The following PPP1R37 variants were observed in gnomAD, a reference collection of about 807,000 sequenced individuals.
PPP1R37 encodes the protein protein phosphatase 1 regulatory subunit 37.
In PPP1R37, 21 loss-of-function variants were observed where a neutral mutation model predicts 61.0. That is an observed-to-expected ratio of 0.34 (90% CI 0.24 to 0.50). The LOEUF (loss-of-function observed/expected upper bound fraction) is 0.50, where lower values mean the gene tolerates loss of function less well. PPP1R37 is among the 20% of genes least tolerant of loss of function. PPP1R37 has a pLI of 0.98. For synonymous variants in PPP1R37, 443 were observed against 433.5 expected, an observed-to-expected ratio of 1.02 and a Z score of -0.27; for missense variants, 910 against 952.7, an observed-to-expected ratio of 0.96 and a Z score of 0.59.
At chr19:45,123,867 C>T (rs951708458) in intron 1 of PPP1R37, among the ~76,000 whole-genome samples, 1 of 152,200 alleles carries the variant, frequency 6.6e-6, no homozygotes, top group African/African-American at 2.4e-5. Flanking sequence ...GGGCCAAGTC[C>T]CCGCAGTAAT....
rs376666252 is a variant in PPP1R37 at position 45,146,325 on chromosome 19, G to A, written c.1994-65G>A. The A allele has an allele frequency of 4.9e-5, 71 of 1,450,644 alleles. No homozygotes were observed. In the South Asian group the frequency reaches 7.9e-4, roughly 16 times the overall value. The allele number at this position is 1,450,644 out of a possible 1,614,324, so 89.9% of individuals were successfully genotyped here. A position where few individuals can be genotyped will look rare whatever the true frequency, so the allele number is the denominator to read the frequency against. ...GGCCCTGAGGGTCTGGCTGGGGCCG[G>A]GCTGGGGACAGGTTGTATTTGCCCC... On this transcript the variant is annotated intron_variant, in intron 11 of 12. Transcript: ENST00000221462.
At chr19:45,120,806 G>C (rs1599700407) in intron 1 of PPP1R37, among the ~76,000 whole-genome samples, 2 of 152,118 alleles carry the variant, frequency 1.3e-5, no homozygotes, top group Non-Finnish European at 2.9e-5. Flanking sequence ...AGAGACGGGG[G>C]TTTCACCATG....
At chr19:45,141,105 G>C (rs981977520) in intron 4 of PPP1R37, among the ~76,000 whole-genome samples, 1 of 152,190 alleles carries the variant, frequency 6.6e-6, no homozygotes, top group Admixed American at 6.5e-5. Flanking sequence ...AAGGACTTTG[G>C]AGGGCAAGTG....
At chr19:45,095,755 T>C (rs1234687529) in intron 1 of PPP1R37, among the ~76,000 whole-genome samples, 2 of 132,658 alleles carry the variant, frequency 1.5e-5, no homozygotes, top group African/African-American at 6.1e-5. Context: ...AGAGACCCGG[T>C]CTTAAAAAAA....
At chr19:45,120,542 C>T (rs1025600014) in intron 1 of PPP1R37, among the ~76,000 whole-genome samples, 12 of 152,318 alleles carry the variant, frequency 7.9e-5, no homozygotes, top group Non-Finnish European at 1.5e-4. Context: ...GCTGCAGTGA[C>T]TGTCCTTACA....
chr19:45,099,755 G>T (rs890736071), intron 1 of PPP1R37, among the ~76,000 whole-genome samples: 1 of 152,252 alleles, frequency 6.6e-6, no homozygotes, highest in African/African-American at 2.4e-5. Context: ...CGGGACACAT[G>T]TCCGAAGGAC....
intron 1 of PPP1R37, among the ~76,000 whole-genome samples, chr19:45,102,504 C>G (rs1196620059): frequency 6.6e-6 from 1 of 152,208 alleles, no homozygotes; most frequent in Non-Finnish European, 1.5e-5. Flanking sequence ...CTGTTGCAGG[C>G]GCTCATGAGG....
intron 2 of PPP1R37, among the ~76,000 whole-genome samples, chr19:45,139,270 AT>A (rs755370686): frequency 4.7e-4 from 71 of 152,386 alleles, no homozygotes; most frequent in East Asian, 3.8e-4. Context: ...ATTTAAAAAA[AT>A]AAAAATACTA....
In PPP1R37 at chr19:45,115,816, A is replaced by T. The variant is rs1407067198; in HGVS notation, c.202+22289A>T. On this transcript the variant is annotated intron_variant, in intron 1 of 12. Transcript: ENST00000221462. ...ATGGTGAAACCCCGTCTCTGCTAAA[A>T]ATACAAAATTAGCCTGGTGTGGTGG... Among the ~76,000 whole-genome samples, 5 of 152,182 alleles carry T rather than the reference A, an allele frequency of 3.3e-5. No individual in the cohort carries two copies. In the East Asian group the frequency reaches 9.7e-4, roughly 29 times the overall value.
intron 1 of PPP1R37, among the ~76,000 whole-genome samples, chr19:45,112,335 C>T (rs1968212485): frequency 9.0e-6 from 1 of 110,946 alleles, no homozygotes; most frequent in South Asian, 2.7e-4. Context: ...TCACCTGGGG[C>T]GTGAGCAAGA....
intron 1 of PPP1R37, chr19:45,128,639 A>T: frequency 2.4e-6 from 3 of 1,247,372 alleles, no homozygotes; most frequent in Non-Finnish European, 2.3e-6. Context: ...AGTGCTCAGC[A>T]TTATGTAACA....
intron 1 of PPP1R37, among the ~76,000 whole-genome samples, chr19:45,119,817 C>G (rs1011258589): frequency 1.3e-5 from 2 of 152,054 alleles, no homozygotes; most frequent in African/African-American, 4.8e-5. Flanking sequence ...AGAGCCAGCT[C>G]CACCCCCCAG....
chr19:45,122,671 G>T (rs368636766), intron 1 of PPP1R37, among the ~76,000 whole-genome samples: 51 of 152,166 alleles, frequency 3.4e-4, no homozygotes, highest in African/African-American at 1.2e-3. Context: ...GGAAGGAGCC[G>T]TTGGGGTGTG....
At chr19:45,112,763 G>C (rs1255161478) in intron 1 of PPP1R37, among the ~76,000 whole-genome samples, 1 of 152,238 alleles carries the variant, frequency 6.6e-6, no homozygotes, top group African/African-American at 2.4e-5. Flanking sequence ...CAGAGACCAG[G>C]ATTAGGGTTG....
chr19:45,146,492 C>G lies in PPP1R37; in HGVS notation c.*8+12C>G. On this transcript the variant is annotated intron_variant, in intron 12 of 12. Coordinates refer to ENST00000221462, the MANE Select transcript of PPP1R37 (RefSeq NM_019121.2). ...CTGTGACACTTTAGGTGAGGCCAGG[C>G]CCGGGGCCCACAGCACTCGGGAGGA... The G allele has an allele frequency of 6.6e-7, 1 of 1,523,830 alleles. No individual in the cohort carries two copies. Among genetic ancestry groups the G allele is most frequent in the Non-Finnish European group, 8.8e-7 (1 of 1,136,130 alleles). 94.4% of individuals were successfully genotyped at this position (1,523,830 alleles called of 1,614,324 possible). A position where few individuals can be genotyped will look rare whatever the true frequency, so the allele number is the denominator to read the frequency against.
At chr19:45,114,794 T>C (rs1968244119) in intron 1 of PPP1R37, among the ~76,000 whole-genome samples, 1 of 143,106 alleles carries the variant, frequency 7.0e-6, no homozygotes. Context: ...CTCCACAAAA[T>C]ATAAAAAATT....
intron 1 of PPP1R37, chr19:45,129,121 C>T (rs1452377243): frequency 2.0e-6 from 1 of 496,074 alleles, no homozygotes; most frequent in Non-Finnish European, 3.9e-6. Flanking sequence ...TGGACTCTTC[C>T]TACACAATGT....
intron 5 of PPP1R37, among the ~76,000 whole-genome samples, chr19:45,141,780 T>C (rs1044424878): frequency 6.6e-6 from 1 of 152,208 alleles, no homozygotes; most frequent in Non-Finnish European, 1.5e-5. Context: ...GGGACGGGGC[T>C]ATCTGGTAAC....
At position 45,142,371 on chromosome 19, in the gene PPP1R37, C is replaced by A; in HGVS notation, c.787C>A (p.Gln263Lys). 1 of 1,536,122 alleles carries A rather than the reference C, an allele frequency of 6.5e-7. No homozygotes were observed. The highest frequency in any genetic ancestry group is 8.7e-7 in the Non-Finnish European group (1 of 1,146,922). Residue 263 changes from glutamine (Q) to lysine (K), a missense_variant, in exon 7 of 13, where the codon CAG (glutamine) becomes AAG (lysine). This residue lies in a region of PPP1R37 where 280 missense variants were observed against 382.2 expected (regional missense o/e 0.73). Coordinates refer to ENST00000221462, the MANE Select transcript of PPP1R37 (RefSeq NM_019121.2). Reference protein sequence around the residue: ...YLADNKLNGLQDSAQLGNLLK... With the variant: ...YLADNKLNGLKDSAQLGNLLK... ...GGCGGACAACAAGCTCAACGGCCTG[C>A]AGGACTCGGCCCAGCTGGGTAACCT...
Sources: gnomAD v4.1 joint callset for allele counts (sites outside exome capture counted in the v4.1 genomes callset) on GRCh38, gnomAD v4.1.1 for gene constraint, gnomAD v4.1.1 regional missense constraint, MANE v1.5 for transcripts, NCBI Gene and HGNC (gene_info 2026-07-23, HGNC 2026-07-21) for gene names.